SYT6: variants seen among roughly 807,000 people sequenced by gnomAD.
SYT6 encodes the protein synaptotagmin-6.
Under a neutral mutation model 38.4 loss-of-function variants are expected in SYT6, and 24 were observed. The ratio of observed to expected loss-of-function variants is 0.62; its 90% CI spans 0.45 to 0.88. SYT6 has a LOEUF of 0.88. Among genes scored for constraint, SYT6 ranks in the 40% least tolerant of loss-of-function variants. The probability of loss-of-function intolerance (pLI) is 0.00; values close to 1 mark genes in which losing one functional copy is unlikely to be tolerated. For synonymous variants in SYT6, 265 were observed against 241.9 expected, an observed-to-expected ratio of 1.10 and a Z score of -0.89; for missense variants, 611 against 621.0, an observed-to-expected ratio of 0.98 and a Z score of 0.17.
intron 3 of SYT6, among the ~76,000 whole-genome samples, chr1:114,111,053 A>C (rs676715): frequency 0.39 from 58,784 of 151,966 alleles, 11,892 homozygotes; most frequent in Non-Finnish European, 0.43. Flanking sequence ...TACCTTCAAC[A>C]CCTCGGGCTC....
At chr1:114,100,454 A>T (rs1675899594) in intron 4 of SYT6, among the ~76,000 whole-genome samples, 1 of 152,208 alleles carries the variant, frequency 6.6e-6, no homozygotes, top group South Asian at 2.1e-4. Flanking sequence ...TGAGGCACAC[A>T]TCCCTGGTGG....
intron 1 of SYT6, among the ~76,000 whole-genome samples, chr1:114,140,718 T>A (rs1258454630): frequency 1.3e-5 from 2 of 152,248 alleles, no homozygotes; most frequent in Admixed American, 1.3e-4. Flanking sequence ...CACTTTATTG[T>A]GCTTCACAGA....
Position 114,137,713 on chromosome 1 carries a change from C to T in SYT6, c.853G>A (p.Val285Met). The T allele has an allele frequency of 6.2e-7, 1 of 1,613,872 alleles. No individual in the cohort carries two copies. The highest frequency in any genetic ancestry group is 8.5e-7 in the Non-Finnish European group (1 of 1,179,802). ...PDRKCKLQTRVHRKTLNPTFD... is the reference protein window; with the variant it reads ...PDRKCKLQTRMHRKTLNPTFD... ...GTGGGGTTCAGGGTCTTGCGGTGCACCCGGGTCTGCAGCTTGCATTTGCGG... is the reference window on the plus strand; with the variant it reads ...GTGGGGTTCAGGGTCTTGCGGTGCATCCGGGTCTGCAGCTTGCATTTGCGG... The change falls in exon 3 of 8, where the codon GTG becomes ATG. Residue 285 changes from valine to methionine, a missense_variant. By Grantham distance (21) the Val-to-Met change is conservative (BLOSUM62 1). Coordinates refer to ENST00000610222, the MANE Select transcript of SYT6 (RefSeq NM_001253772.2).
At chr1:114,123,907 T>C (rs1677565305) in intron 3 of SYT6, among the ~76,000 whole-genome samples, 1 of 152,146 alleles carries the variant, frequency 6.6e-6, no homozygotes, top group South Asian at 2.1e-4. Context: ...CCCTGTGGAG[T>C]GGCATCCTCT....
At chr1:114,136,200 A>T (rs1678474833) in intron 3 of SYT6, among the ~76,000 whole-genome samples, 2 of 152,290 alleles carry the variant, frequency 1.3e-5, no homozygotes, top group South Asian at 4.1e-4. Flanking sequence ...CTCTTTGAAC[A>T]AAACAAGATT....
intron 2 of SYT6, among the ~76,000 whole-genome samples, chr1:114,138,673 T>C (rs984483801): frequency 6.6e-6 from 1 of 152,248 alleles, no homozygotes; most frequent in African/African-American, 2.4e-5. Flanking sequence ...ATTGATTACA[T>C]ATGAAGTGCT....
intron 1 of SYT6, among the ~76,000 whole-genome samples, chr1:114,149,535 G>C (rs2101128458): frequency 6.6e-6 from 1 of 152,196 alleles, no homozygotes; most frequent in East Asian, 1.9e-4. Context: ...TTTATGACTG[G>C]GCGCTCACTT....
chr1:114,137,422 G>T, intron 3 of SYT6, 73 bp downstream of exon 3: 1 of 1,512,754 alleles, frequency 6.6e-7, no homozygotes, highest in Non-Finnish European at 8.9e-7. Flanking sequence ...TAGGAAGTGA[G>T]GGTTTGGGGA....
chr1:114,111,491 A>G (rs967476191), intron 3 of SYT6, among the ~76,000 whole-genome samples: 1 of 152,116 alleles, frequency 6.6e-6, no homozygotes, highest in Non-Finnish European at 1.5e-5. Flanking sequence ...ATGCTCCAAG[A>G]TCTTTCCCAC....
intron 1 of SYT6, among the ~76,000 whole-genome samples, chr1:114,151,760 G>A (rs1296785555): frequency 6.6e-6 from 1 of 152,146 alleles, no homozygotes; most frequent in East Asian, 1.9e-4. Context: ...GAGGCTCCCT[G>A]ATAGGGAAAA....
intron 3 of SYT6, among the ~76,000 whole-genome samples, chr1:114,129,697 T>A (rs1678024331): frequency 6.7e-6 from 1 of 150,016 alleles, no homozygotes; most frequent in Admixed American, 6.7e-5. Flanking sequence ...CTTGACAGAG[T>A]CTTGCTCTGT....
intron 1 of SYT6, among the ~76,000 whole-genome samples, chr1:114,143,268 C>A (rs1571898459): frequency 6.8e-6 from 1 of 148,136 alleles, no homozygotes; most frequent in Non-Finnish European, 1.5e-5. Flanking sequence ...ATACTTTAGT[C>A]TATTAAGTGT....
chr1:114,100,400 A>G (rs1571821252), intron 4 of SYT6, among the ~76,000 whole-genome samples: 1 of 152,290 alleles, frequency 6.6e-6, no homozygotes. Flanking sequence ...GACATCGAGC[A>G]CCCACTAGGG....
At chr1:114,149,210 A>T (rs766369051) in intron 1 of SYT6, among the ~76,000 whole-genome samples, 208 of 15,616 alleles carry the variant, frequency 0.013, 2 homozygotes, top group Admixed American at 0.048. Context: ...AGAGAGAGAG[A>T]GAGAGATTGT....
intron 3 of SYT6, among the ~76,000 whole-genome samples, chr1:114,122,074 C>T (rs2101042439): frequency 6.6e-6 from 1 of 152,302 alleles, no homozygotes; most frequent in South Asian, 2.1e-4. Context: ...CCAAGTCTGC[C>T]GTTGGATCCG....
chr1:114,097,773 A>G lies in SYT6; in HGVS notation c.1469T>C (p.Ile490Thr), dbSNP rs1405824591. ...NEMLAYPRKPIAHWHSLVEVK... is the reference protein window; with the variant it reads ...NEMLAYPRKPTAHWHSLVEVK... ...CTCCACCAAGGAGTGCCAGTGTGCGATGGGCTTCCGGGGGTATGCCAGCAT... is the reference window on the plus strand; with the variant it reads ...CTCCACCAAGGAGTGCCAGTGTGCGGTGGGCTTCCGGGGGTATGCCAGCAT... Residue 490 changes from isoleucine to threonine, a missense_variant, in exon 6 of 8, where the codon ATC (isoleucine) becomes ACC (threonine). By Grantham distance (89) the Ile-to-Thr change is moderately conservative. Transcript: ENST00000610222. The G allele has an allele frequency of 1.2e-6, 2 of 1,614,168 alleles. No individual in the cohort carries two copies. The highest frequency in any genetic ancestry group is 3.3e-5 in the Admixed American group (2 of 60,024).
intron 1 of SYT6, among the ~76,000 whole-genome samples, chr1:114,142,369 C>A (rs191994305): frequency 7.3e-4 from 111 of 152,236 alleles, no homozygotes; most frequent in Middle Eastern, 3.4e-3. Context: ...AGCAAGAGAA[C>A]CAGAATTAGA....
At chr1:114,144,850 C>T (rs924422454) in intron 1 of SYT6, among the ~76,000 whole-genome samples, 4 of 152,146 alleles carry the variant, frequency 2.6e-5, no homozygotes, top group African/African-American at 9.7e-5. Context: ...TCCTTTGCTG[C>T]AAGTTACTTG....
chr1:114,139,611 T>G lies in SYT6; in HGVS notation c.512+4A>C. 6.2e-7 allele frequency: 1 copy of G among 1,614,018 alleles called. No homozygotes were observed. Among genetic ancestry groups the G allele is most frequent in the Non-Finnish European group, 8.5e-7 (1 of 1,179,978 alleles). On this transcript the variant is annotated splice_donor_region_variant and intron_variant, in intron 2 of 7. Coordinates refer to ENST00000610222, the MANE Select transcript of SYT6 (RefSeq NM_001253772.2). Reference sequence around the variant, plus strand: ...GTCAGGGAAGGGAGTGGTCCACTCCTCACCTGGTGGATGACGCTGGCTCTG... The same window carrying G: ...GTCAGGGAAGGGAGTGGTCCACTCCGCACCTGGTGGATGACGCTGGCTCTG...
Sources: allele counts gnomAD v4.1 joint callset (sites outside exome capture counted in the v4.1 genomes callset), GRCh38; gene constraint gnomAD v4.1.1; transcripts MANE v1.5; gene names NCBI Gene and HGNC (gene_info 2026-07-23, HGNC 2026-07-21).